Variants in ASAP2 observed in about 807,000 individuals in gnomAD.
The protein encoded by ASAP2 is arf-GAP with SH3 domain, ANK repeat and PH domain-containing protein 2.
ASAP2 carries 45 observed loss-of-function variants against 131.4 expected under a neutral mutation model. That is an observed-to-expected ratio of 0.34 (90% CI 0.27 to 0.44). ASAP2 has a LOEUF of 0.44. ASAP2 is among the 20% of genes least tolerant of loss of function. ASAP2 has a pLI of 1.00. For missense variants in ASAP2, 1,011 were observed against 1,297.0 expected (o/e 0.78, Z 3.39); for synonymous variants, 510 against 503.0 (o/e 1.01, Z -0.19).
chr2:9,287,599 C>T (rs1031394495), intron 2 of ASAP2, among the ~76,000 whole-genome samples: 1 of 152,148 alleles, frequency 6.6e-6, no homozygotes, highest in Non-Finnish European at 1.5e-5. Context: ...AGCCTTGACT[C>T]AGATATGAGG....
chr2:9,305,467 T>G (rs1196209351), intron 3 of ASAP2, among the ~76,000 whole-genome samples: 3 of 132,046 alleles, frequency 2.3e-5, no homozygotes, highest in South Asian at 2.3e-4. Flanking sequence ...GTAGAGGCTG[T>G]AGTAGTGGGG....
intron 11 of ASAP2, among the ~76,000 whole-genome samples, chr2:9,349,061 G>A (rs553264832): frequency 6.6e-6 from 1 of 152,214 alleles, no homozygotes; most frequent in African/African-American, 2.4e-5. Flanking sequence ...TACAAAATTG[G>A]TGTAGTTCCT....
At position 9,405,138 on chromosome 2, in the gene ASAP2, T is replaced by C. The variant is rs1677106740; in HGVS notation, c.*1811T>C. The C allele has an allele frequency of 6.6e-6, 1 of 152,332 alleles. No homozygotes were observed. 9.4% of individuals were successfully genotyped at this position (152,332 alleles called of 1,614,324 possible). A position where few individuals can be genotyped will look rare whatever the true frequency, so the allele number is the denominator to read the frequency against. ...CAAACTAATCTGTCAGGTTCACTGG[T>C]ACATAAATACCTAGGAAATATTTTT... On this transcript the variant is annotated 3_prime_UTR_variant, in exon 28 of 28. Coordinates refer to ENST00000281419, the MANE Select transcript of ASAP2 (RefSeq NM_003887.3).
At chr2:9,387,355 C>G (rs1321854809) in intron 21 of ASAP2, among the ~76,000 whole-genome samples, 1 of 152,196 alleles carries the variant, frequency 6.6e-6, no homozygotes, top group Non-Finnish European at 1.5e-5. Context: ...GCCAGGATGG[C>G]TCAAAAGCAG....
intron 3 of ASAP2, among the ~76,000 whole-genome samples, chr2:9,305,081 A>G (rs1668780432): frequency 8.7e-6 from 1 of 114,760 alleles, no homozygotes; most frequent in African/African-American, 3.5e-5. Flanking sequence ...TGGGGTATAG[A>G]TACTGGTGAG....
At chr2:9,327,762 A>G in intron 6 of ASAP2, 64 bp from the exon 7 acceptor site, 1 of 1,240,452 alleles carries the variant, frequency 8.1e-7, no homozygotes, top group East Asian at 2.5e-5. Flanking sequence ...CTCAGTCCTC[A>G]GAAGCTCCTT....
At chr2:9,381,471 C>T (rs375352768) in intron 20 of ASAP2, among the ~76,000 whole-genome samples, 7 of 152,362 alleles carry the variant, frequency 4.6e-5, no homozygotes, top group African/African-American at 1.4e-4. Flanking sequence ...CAGTGACTCA[C>T]GCCTTGTAAT....
In ASAP2 at chr2:9,302,718, A is replaced by G. The variant is rs180828357; in HGVS notation, c.345+5273A>G. 2.3e-3 allele frequency among the ~76,000 whole-genome samples: 343 copies of G among 151,890 alleles called. 1 individual carries two copies. The highest frequency in any genetic ancestry group is 4.1e-3 in the Non-Finnish European group (277 of 67,956). On this transcript the variant is annotated intron_variant, in intron 3 of 27. Coordinates refer to ENST00000281419, the MANE Select transcript of ASAP2 (RefSeq NM_003887.3). ...TCGAACTCCTGACCTCAAGTGATCCACCCGCCTGGGTCTCCCAAAGTACTG... is the reference window on the plus strand; with the variant it reads ...TCGAACTCCTGACCTCAAGTGATCCGCCCGCCTGGGTCTCCCAAAGTACTG...
chr2:9,371,341 T>A (rs1673941112), intron 16 of ASAP2, among the ~76,000 whole-genome samples: 1 of 152,234 alleles, frequency 6.6e-6, no homozygotes, highest in African/African-American at 2.4e-5. Context: ...TACTCAGGCA[T>A]TTACATATAT....
At chr2:9,351,831 T>C (rs1672353818) in intron 12 of ASAP2, among the ~76,000 whole-genome samples, 1 of 152,218 alleles carries the variant, frequency 6.6e-6, no homozygotes, top group African/African-American at 2.4e-5. Flanking sequence ...CCTGTTCCCC[T>C]TCTCATACCC....
intron 1 of ASAP2, among the ~76,000 whole-genome samples, chr2:9,258,673 C>A (rs898619506): frequency 6.6e-6 from 1 of 152,174 alleles, no homozygotes; most frequent in Non-Finnish European, 1.5e-5. Flanking sequence ...GCGAAACCCC[C>A]GGAAGCTGCT....
At chr2:9,349,144 T>C (rs1037652556) in intron 11 of ASAP2, among the ~76,000 whole-genome samples, 5 of 152,192 alleles carry the variant, frequency 3.3e-5, no homozygotes, top group African/African-American at 1.2e-4. Flanking sequence ...CTGCCTTGTA[T>C]AGGTATATAA....
intron 24 of ASAP2, among the ~76,000 whole-genome samples, chr2:9,395,584 T>G (rs1676057658): frequency 7.2e-6 from 1 of 139,222 alleles, no homozygotes; most frequent in Admixed American, 7.2e-5. Flanking sequence ...GTTTTTCTTG[T>G]GTTTTTTTTC....
At chr2:9,324,549 C>T (rs1326644416) in intron 6 of ASAP2, among the ~76,000 whole-genome samples, 4 of 152,208 alleles carry the variant, frequency 2.6e-5, no homozygotes, top group African/African-American at 9.7e-5. Flanking sequence ...CAGGACATCA[C>T]ATGGTGGGGG....
At chr2:9,249,775 A>G (rs562874604) in intron 1 of ASAP2, among the ~76,000 whole-genome samples, 43 of 149,322 alleles carry the variant, frequency 2.9e-4, no homozygotes, top group African/African-American at 9.9e-4. Flanking sequence ...CCACCCCCAG[A>G]GGAGGGCAGG....
chr2:9,322,958 G>T (rs544642345), intron 5 of ASAP2, among the ~76,000 whole-genome samples, 163 bp from the exon 6 acceptor site: 5 of 152,152 alleles, frequency 3.3e-5, no homozygotes, highest in Non-Finnish European at 5.9e-5. Context: ...TGACATCTTC[G>T]TGAGGACACC....
intron 26 of ASAP2, 132 bp from the exon 27 acceptor site, chr2:9,401,142 C>A (rs553695765): frequency 8.7e-7 from 1 of 1,147,482 alleles, no homozygotes; most frequent in South Asian, 1.5e-5. Flanking sequence ...ACCTGCCCCA[C>A]CTTGGCATCT....
At chr2:9,234,449 TGGC>T (rs1289898998) in intron 1 of ASAP2, among the ~76,000 whole-genome samples, 3 of 152,034 alleles carry the variant, frequency 2.0e-5, no homozygotes, top group Admixed American at 2.0e-4. Flanking sequence ...AACAAGGTAA[TGGC>T]GGCGCGTGGC....
intron 22 of ASAP2, 89 bp from the exon 23 acceptor site, chr2:9,390,973 C>A: frequency 6.3e-7 from 1 of 1,594,006 alleles, no homozygotes; most frequent in Non-Finnish European, 8.6e-7. Context: ...GGGGGAGGAT[C>A]AATAACGCAG....
Sources: allele counts gnomAD v4.1 joint callset (sites outside exome capture counted in the v4.1 genomes callset), GRCh38; gene constraint gnomAD v4.1.1; transcripts MANE v1.5; gene names NCBI Gene and HGNC (gene_info 2026-07-23, HGNC 2026-07-21).